Variants in FHOD3 observed in about 807,000 individuals in gnomAD.
FHOD3 encodes the protein formin homology 2 domain containing 3, also known as FH1/FH2 domain-containing protein 3.
Under a neutral mutation model 173.0 loss-of-function variants are expected in FHOD3, and 90 were observed. That is an observed-to-expected ratio of 0.52 (90% CI 0.44 to 0.62). FHOD3 has a LOEUF of 0.62. Ranked by LOEUF, FHOD3 falls within the 20% of genes least tolerant of loss-of-function variation. The probability of loss-of-function intolerance (pLI) is 0.00; values close to 1 mark genes in which losing one functional copy is unlikely to be tolerated. For missense variants in FHOD3, 1,945 were observed against 2,034.7 expected (o/e 0.96, Z 0.85); for synonymous variants, 828 against 823.0 (o/e 1.01, Z -0.10).
chr18:36,719,969 G>C (rs75355961), intron 19 of FHOD3, among the ~76,000 whole-genome samples: 3,288 of 152,226 alleles, frequency 0.022, 129 homozygotes, highest in African/African-American at 0.075. Flanking sequence ...CTCATGGCAT[G>C]AGTCTAAATC....
At chr18:36,639,817 T>G (rs944576108) in intron 10 of FHOD3, among the ~76,000 whole-genome samples, 2 of 130,758 alleles carry the variant, frequency 1.5e-5, no homozygotes, top group Non-Finnish European at 3.2e-5. Flanking sequence ...ATAAAGTGTT[T>G]TTTTTTTTTT....
At chr18:36,618,546 A>G (rs1568501982) in intron 9 of FHOD3, among the ~76,000 whole-genome samples, 1 of 152,226 alleles carries the variant, frequency 6.6e-6, no homozygotes, top group Middle Eastern at 3.4e-3. Flanking sequence ...TCCCAACCTC[A>G]GGTGATCCAC....
chr18:36,419,529 G>T (rs927626557), intron 3 of FHOD3, among the ~76,000 whole-genome samples: 2 of 152,182 alleles, frequency 1.3e-5, no homozygotes, highest in African/African-American at 4.8e-5. Context: ...AACCATGGAA[G>T]GAAAGAATGC....
intron 20 of FHOD3, among the ~76,000 whole-genome samples, chr18:36,739,916 C>G (rs781528197): frequency 3.3e-5 from 5 of 152,046 alleles, no homozygotes; most frequent in Non-Finnish European, 4.4e-5. Context: ...CAGGTTTTTC[C>G]TTTCCAGTCT....
At chr18:36,328,026 G>A (rs1211779603) in intron 1 of FHOD3, among the ~76,000 whole-genome samples, 3 of 152,146 alleles carry the variant, frequency 2.0e-5, no homozygotes, top group African/African-American at 7.2e-5. Flanking sequence ...TCTGTTAACA[G>A]CATCACTGCC....
At chr18:36,590,306 T>C (rs1568464431) in intron 6 of FHOD3, among the ~76,000 whole-genome samples, 1 of 152,174 alleles carries the variant, frequency 6.6e-6, no homozygotes, top group African/African-American at 2.4e-5. Flanking sequence ...TGTTCCAAGC[T>C]TCCAAGGGTT....
chr18:36,408,005 T>C (rs8093937), intron 3 of FHOD3, among the ~76,000 whole-genome samples: 7,984 of 152,210 alleles, frequency 0.052, 698 homozygotes, highest in African/African-American at 0.18. Context: ...ACTGTTTGAC[T>C]GAGGCTCAGG....
At chr18:36,310,008 GA>G (rs1391615877) in intron 1 of FHOD3, among the ~76,000 whole-genome samples, 1 of 152,198 alleles carries the variant, frequency 6.6e-6, no homozygotes, top group East Asian at 1.9e-4. Context: ...CTCACAGGGT[GA>G]AAAAATGAAC....
At chr18:36,541,249 CAA>C (rs770104487) in intron 5 of FHOD3, among the ~76,000 whole-genome samples, 1,007 of 40,260 alleles carry the variant, frequency 0.025, 5 homozygotes, top group African/African-American at 0.082. Context: ...GACTCTGTCT[CAA>C]AAAAAAAAAA....
At chr18:36,468,408 G>A (rs2053077521) in intron 3 of FHOD3, among the ~76,000 whole-genome samples, 1 of 152,162 alleles carries the variant, frequency 6.6e-6, no homozygotes, top group African/African-American at 2.4e-5. Context: ...GGAGGTGGTG[G>A]AGAAAGAAGA....
chr18:36,606,058 G>A (rs571884525), intron 8 of FHOD3, among the ~76,000 whole-genome samples: 2 of 152,194 alleles, frequency 1.3e-5, no homozygotes, highest in African/African-American at 4.8e-5. Flanking sequence ...GGCTTAGGGT[G>A]TTCAGGGAAA....
At chr18:36,590,162 A>AATCTTAAT (rs1160272148) in intron 6 of FHOD3, among the ~76,000 whole-genome samples, 1 of 152,154 alleles carries the variant, frequency 6.6e-6, no homozygotes, top group East Asian at 1.9e-4. Flanking sequence ...GTGGGCTGTG[A>AATCTTAAT]ATCTTAATAT....
chr18:36,776,376 A>G (rs758183262), intron 28 of FHOD3, among the ~76,000 whole-genome samples: 27 of 152,128 alleles, frequency 1.8e-4, no homozygotes, highest in Non-Finnish European at 3.8e-4. Context: ...GAAACTGACC[A>G]GCAGACAGAT....
chr18:36,524,707 C>T (rs1213571642), intron 5 of FHOD3, among the ~76,000 whole-genome samples: 1 of 152,186 alleles, frequency 6.6e-6, no homozygotes, highest in Non-Finnish European at 1.5e-5. Flanking sequence ...CCAGCTCTTC[C>T]AGATCTTAAT....
chr18:36,717,708 C>T, intron 18 of FHOD3, 124 bp from the exon 19 acceptor site: 1 of 1,418,770 alleles, frequency 7.0e-7, no homozygotes, highest in South Asian at 1.9e-5. Flanking sequence ...ACGGCTTTGA[C>T]TGCTCATGCA....
At chr18:36,374,119 A>G (rs1383418172) in intron 3 of FHOD3, among the ~76,000 whole-genome samples, 1 of 152,224 alleles carries the variant, frequency 6.6e-6, no homozygotes, top group African/African-American at 2.4e-5. Context: ...TCCAAATCCA[A>G]ATGAGCTAAC....
chr18:36,318,352 A>C (rs1040073365), intron 1 of FHOD3, among the ~76,000 whole-genome samples: 21 of 152,286 alleles, frequency 1.4e-4, no homozygotes, highest in Admixed American at 9.2e-4. Flanking sequence ...TTCTTCCTAT[A>C]CATGAGCATG....
At chr18:36,583,448 C>T (rs1269044496) in intron 6 of FHOD3, among the ~76,000 whole-genome samples, 1 of 152,176 alleles carries the variant, frequency 6.6e-6, no homozygotes. Context: ...TATTCTTTTC[C>T]CTTCTCCTCC....
chr18:36,314,280 T>G (rs75752890), intron 1 of FHOD3, among the ~76,000 whole-genome samples: 7,376 of 152,268 alleles, frequency 0.048, 576 homozygotes, highest in African/African-American at 0.17. Flanking sequence ...TTTCACAACT[T>G]TACACAGGGA....
Sources: allele counts gnomAD v4.1 joint callset (sites outside exome capture counted in the v4.1 genomes callset), GRCh38; gene constraint gnomAD v4.1.1; transcripts MANE v1.5; gene names NCBI Gene and HGNC (gene_info 2026-07-23, HGNC 2026-07-21).